Variants in SLC4A4 observed in about 807,000 individuals in gnomAD.
SLC4A4 encodes solute carrier family 4 member 4.
Under a neutral mutation model 111.5 loss-of-function variants are expected in SLC4A4, and 27 were observed. The observed-to-expected ratio is 0.24, with a 90% CI of 0.18 to 0.33. SLC4A4 has a LOEUF of 0.33. Ranked by LOEUF, SLC4A4 falls within the 10% of genes least tolerant of loss-of-function variation. The pLI is 1.00. For synonymous variants in SLC4A4, 443 were observed against 463.4 expected, an observed-to-expected ratio of 0.96 and a Z score of 0.57; for missense variants, 909 against 1,315.5, an observed-to-expected ratio of 0.69 and a Z score of 4.78.
At chr4:71,192,714 G>A (rs542011696) in intron 1 of SLC4A4, among the ~76,000 whole-genome samples, 1 of 151,500 alleles carries the variant, frequency 6.6e-6, no homozygotes, top group East Asian at 1.9e-4. Flanking sequence ...AATACATATG[G>A]TCAGAAAATT....
rs560084363 is a variant in SLC4A4 at position 71,236,960 on chromosome 4, T to C, written c.73+311T>C. Among the ~76,000 whole-genome samples, 138 of 152,358 alleles carry C rather than the reference T, an allele frequency of 9.1e-4. 1 individual carries two copies. Among genetic ancestry groups the C allele is most frequent in the African/African-American group, 3.2e-3 (133 of 41,582 alleles). ...CCAGATAATACTAACCACCTTCCAA[T>C]GACTAATTCAAGAAAGCTGCTCGAT... On this transcript the variant is annotated intron_variant, in intron 2 of 25. Transcript: ENST00000264485.
intron 4 of SLC4A4, among the ~76,000 whole-genome samples, chr4:71,344,574 G>A (rs923810763): frequency 2.6e-5 from 4 of 152,044 alleles, no homozygotes; most frequent in African/African-American, 7.2e-5. Context: ...TGTGAAAGTC[G>A]CAATTGATAG....
intron 7 of SLC4A4, among the ~76,000 whole-genome samples, chr4:71,406,688 A>G (rs1029683265): frequency 6.6e-6 from 1 of 150,778 alleles, no homozygotes; most frequent in Non-Finnish European, 1.5e-5. Context: ...GACAGCAGTA[A>G]TGTTTTCTAC....
intron 10 of SLC4A4, 113 bp from the exon 11 acceptor site, chr4:71,451,075 C>A (rs1473564692): frequency 1.1e-5 from 8 of 744,476 alleles, no homozygotes; most frequent in Non-Finnish European, 1.7e-5. Context: ...AAATAACAAT[C>A]TTTCACCTTA....
At chr4:71,470,159 A>C (rs886597211) in intron 13 of SLC4A4, among the ~76,000 whole-genome samples, 1 of 152,050 alleles carries the variant, frequency 6.6e-6, no homozygotes, top group African/African-American at 2.4e-5. Flanking sequence ...TTGTATGATA[A>C]TGTAAATTAT....
chr4:71,223,845 C>T (rs1287252861), intron 1 of SLC4A4, among the ~76,000 whole-genome samples: 1 of 152,060 alleles, frequency 6.6e-6, no homozygotes, highest in Non-Finnish European at 1.5e-5. Flanking sequence ...GTCTTCACTG[C>T]CCGCTTCTGT....
intron 3 of SLC4A4, among the ~76,000 whole-genome samples, chr4:71,285,410 G>A (rs1395187271): frequency 6.6e-6 from 1 of 152,114 alleles, no homozygotes; most frequent in East Asian, 1.9e-4. Context: ...GGGAGACTGA[G>A]GGCAAATTGC....
chr4:71,450,364 G>A (rs1441282897), intron 9 of SLC4A4, 25 bp from the exon 10 acceptor site: 1 of 1,568,272 alleles, frequency 6.4e-7, no homozygotes, highest in East Asian at 2.2e-5. Flanking sequence ...CTTTTTGGAT[G>A]AGCACATCTT....
At chr4:71,255,091 G>C (rs1332194928) in intron 2 of SLC4A4, 129 bp from the exon 3 acceptor site, 5 of 945,082 alleles carry the variant, frequency 5.3e-6, no homozygotes, top group Non-Finnish European at 8.6e-6. Context: ...TATTTTTCTA[G>C]AGTTTGCCAA....
chr4:71,298,984 G>T (rs1725011937), intron 3 of SLC4A4, among the ~76,000 whole-genome samples: 1 of 152,118 alleles, frequency 6.6e-6, no homozygotes. Context: ...TATTACTCTA[G>T]CTATTATGTT....
chr4:71,150,769 C>T (rs925586422), intron 2 of SLC4A4, among the ~76,000 whole-genome samples: 1 of 152,070 alleles, frequency 6.6e-6, no homozygotes, highest in Non-Finnish European at 1.5e-5. Context: ...CTTAAGTTGC[C>T]AAGTGTTCTG....
intron 3 of SLC4A4, among the ~76,000 whole-genome samples, chr4:71,267,190 C>T (rs1722332647): frequency 6.6e-6 from 1 of 152,006 alleles, no homozygotes; most frequent in South Asian, 2.1e-4. Context: ...AATACCCATA[C>T]AAAAAAATGT....
In SLC4A4 at chr4:71,534,335, A is replaced by G. The variant is rs145087134; in HGVS notation, c.2389A>G (p.Met797Val). ...TTTGTTGGTCACTATACTGATTTTC[A>G]TGGACCAACAAATTACAGCTGTGAT... The part of the protein sequence containing the change: ...PALLVTILIF[M>V]DQQITAVIVN... Residue 797 changes from methionine to valine, a missense_variant, in exon 18 of 26, where the codon ATG becomes GTG. Physicochemically the swap from Met to Val is conservative, Grantham distance 21. This residue lies in a region of SLC4A4 where 264 missense variants were observed against 356.8 expected (regional missense o/e 0.74). Transcript: ENST00000264485. 1 of 1,613,662 alleles carries G rather than the reference A, an allele frequency of 6.2e-7. No homozygotes were observed. Among genetic ancestry groups the G allele is most frequent in the Non-Finnish European group, 8.5e-7 (1 of 1,179,742 alleles).
chr4:71,307,885 A>G (rs1392050334), intron 3 of SLC4A4, among the ~76,000 whole-genome samples: 1 of 152,136 alleles, frequency 6.6e-6, no homozygotes, highest in Non-Finnish European at 1.5e-5. Flanking sequence ...ACTACTAATC[A>G]TAACTTGATA....
intron 3 of SLC4A4, among the ~76,000 whole-genome samples, chr4:71,290,656 T>A (rs1724271399): frequency 6.6e-6 from 1 of 152,236 alleles, no homozygotes; most frequent in African/African-American, 2.4e-5. Context: ...GGTATCTGGG[T>A]TTTCAATATT....
intron 7 of SLC4A4, chr4:71,437,155 A>AAT: frequency 2.2e-6 from 1 of 456,078 alleles, no homozygotes; most frequent in Non-Finnish European, 4.3e-6. Context: ...CGTCAGAGGG[A>AAT]TGCCAGCAAT....
chr4:71,086,558 T>A (rs935945292), intron 1 of SLC4A4, among the ~76,000 whole-genome samples: 2 of 152,052 alleles, frequency 1.3e-5, no homozygotes, highest in Admixed American at 6.5e-5. Flanking sequence ...AGATAGCTCT[T>A]ATTATTTTGA....
At chr4:71,516,275 T>C (rs1732390655) in intron 16 of SLC4A4, among the ~76,000 whole-genome samples, 1 of 151,690 alleles carries the variant, frequency 6.6e-6, no homozygotes, top group Non-Finnish European at 1.5e-5. Context: ...TTTTTTGTAT[T>C]TTTAGTAGAG....
intron 2 of SLC4A4, among the ~76,000 whole-genome samples, chr4:71,241,826 A>G (rs1407444362): frequency 6.6e-6 from 1 of 152,188 alleles, no homozygotes. Flanking sequence ...AAAAGTTGGT[A>G]CTTGAATAGT....
Sources: allele counts gnomAD v4.1 joint callset (sites outside exome capture counted in the v4.1 genomes callset), GRCh38; gene constraint gnomAD v4.1.1; regional missense constraint gnomAD v4.1.1; transcripts MANE v1.5; gene names NCBI Gene and HGNC (gene_info 2026-07-23, HGNC 2026-07-21).